Variants in VPS39 observed in about 807,000 individuals in gnomAD.
The protein encoded by VPS39 is vam6/Vps39-like protein.
In VPS39, 70 loss-of-function variants were observed where a neutral mutation model predicts 121.0. That is an observed-to-expected ratio of 0.58 (90% confidence interval 0.48 to 0.71). VPS39 has a LOEUF of 0.71. Ranked by LOEUF, VPS39 falls within the 30% of genes least tolerant of loss-of-function variation. VPS39 has a pLI of 0.00. For synonymous variants in VPS39, 378 were observed against 398.1 expected (o/e 0.95, Z 0.60); for missense variants, 818 against 1,051.5 (o/e 0.78, Z 3.07).
chr15:42,178,724 AAAG>A, intron 8 of VPS39, 154 bp from the exon 9 acceptor site: 2 of 1,139,566 alleles, frequency 1.8e-6, no homozygotes, highest in Non-Finnish European at 2.4e-6. Context: ...ATTCAGAAAG[AAAG>A]AAAAAAAAAA....
chr15:42,162,740 C>T (rs1267905308), intron 21 of VPS39: 2 of 352,210 alleles, frequency 5.7e-6, no homozygotes, highest in Non-Finnish European at 5.1e-6. Flanking sequence ...AAAATGCTAC[C>T]ACTGTAAAAC....
At chr15:42,188,591 G>C (rs759878784) in intron 5 of VPS39, among the ~76,000 whole-genome samples, 26 of 152,296 alleles carry the variant, frequency 1.7e-4, no homozygotes, top group Admixed American at 1.6e-3. Flanking sequence ...AATAGTATTA[G>C]ATTCTCATTA....
intron 7 of VPS39, among the ~76,000 whole-genome samples, 195 bp from the exon 8 acceptor site, chr15:42,184,895 T>C (rs1417390893): frequency 2.0e-5 from 3 of 152,258 alleles, no homozygotes; most frequent in Non-Finnish European, 4.4e-5. Context: ...AAGGAAAGCA[T>C]CTAGCCTGGC....
At chr15:42,172,052 T>C (rs548569312) in intron 11 of VPS39, among the ~76,000 whole-genome samples, 3 of 152,282 alleles carry the variant, frequency 2.0e-5, no homozygotes, top group Admixed American at 6.5e-5. Flanking sequence ...CACACCAACA[T>C]ATATCATACA....
At chr15:42,186,465 G>A (rs2049704678) in intron 7 of VPS39, among the ~76,000 whole-genome samples, 1 of 151,914 alleles carries the variant, frequency 6.6e-6, no homozygotes, top group Non-Finnish European at 1.5e-5. Flanking sequence ...AACCAATGAA[G>A]AGCTCACCCA....
At chr15:42,180,489 T>A (rs1002738593) in intron 8 of VPS39, among the ~76,000 whole-genome samples, 2 of 152,188 alleles carry the variant, frequency 1.3e-5, no homozygotes, top group Non-Finnish European at 2.9e-5. Context: ...CACACAGTGC[T>A]AAAGAAGTCA....
chr15:42,191,010 T>G, intron 4 of VPS39, 115 bp downstream of exon 4: 1 of 1,205,280 alleles, frequency 8.3e-7, no homozygotes, highest in Non-Finnish European at 1.2e-6. Flanking sequence ...TATACCAGGT[T>G]TGGAACACGT....
chr15:42,175,211 C>T (rs1219598834), intron 10 of VPS39, among the ~76,000 whole-genome samples: 2 of 151,984 alleles, frequency 1.3e-5, no homozygotes, highest in Admixed American at 1.3e-4. Flanking sequence ...CAGGAAAGAC[C>T]ATCCTGGCCA....
rs1369430318 is a variant in VPS39 at position 42,191,298 on chromosome 15, G to C, written c.205-131C>G. The C allele has an allele frequency of 4.0e-5, 48 of 1,212,886 alleles. No homozygotes were observed. In the East Asian group the frequency reaches 1.1e-3, roughly 28 times the overall value. The allele number at this position is 1,212,886 out of a possible 1,614,324, so 75.1% of individuals were successfully genotyped here. A position where few individuals can be genotyped will look rare whatever the true frequency, so the allele number is the denominator to read the frequency against. On this transcript the variant is annotated intron_variant, in intron 3 of 24. Transcript: ENST00000318006. ...ACAGGGATCTCACTGATTTTTCTGG[G>C]CACTATAATTTCTGTGATTATCATT...
In VPS39 at chr15:42,160,293, AGCCATCGG is replaced by A. The variant is rs2049104068; in HGVS notation, c.*453_*460del. 2 of 166,720 alleles carry A rather than the reference AGCCATCGG, an allele frequency of 1.2e-5. No individual in the cohort carries two copies. Among genetic ancestry groups the A allele is most frequent in the Admixed American group, 1.2e-4 (2 of 17,372 alleles). The allele number at this position is 166,720 out of a possible 1,614,324, so 10.3% of individuals were successfully genotyped here. ...GACGTAAAACACTACACAGAATGCG[AGCCATCGG>A]GTCCATGCGGCCAGAAGCTTGAGTG... On this transcript the variant is annotated 3_prime_UTR_variant, in exon 25 of 25. Transcript: ENST00000318006.
At position 42,161,785 on chromosome 15, in the gene VPS39, G is replaced by C. The variant is rs1354828732; in HGVS notation, c.2461-12C>G. The C allele has an allele frequency of 6.2e-7, 1 of 1,613,766 alleles. No individual in the cohort carries two copies. The highest frequency in any genetic ancestry group is 8.5e-7 in the Non-Finnish European group (1 of 1,179,800). On this transcript the variant is annotated splice_polypyrimidine_tract_variant and intron_variant, in intron 23 of 24. Transcript: ENST00000318006. ...CGCTCTTCCTGGACCTGGAAGAACA[G>C]GGGGATTGAGGAAGAAGTTCTACAG...
intron 11 of VPS39, among the ~76,000 whole-genome samples, chr15:42,172,183 T>G (rs1307134626): frequency 6.6e-6 from 1 of 151,880 alleles, no homozygotes; most frequent in Non-Finnish European, 1.5e-5. Context: ...ATAGGAAGAG[T>G]GAGAGTCACA....
Position 42,162,570 on chromosome 15 carries a change from C to T in VPS39, c.2176-89G>A, listed in dbSNP as rs184332591. 2,513 of 1,420,776 alleles carry T rather than the reference C, an allele frequency of 1.8e-3. 7 individuals carry two copies. Among genetic ancestry groups the T allele is most frequent in the Non-Finnish European group, 2.1e-3 (2,239 of 1,072,440 alleles). The allele number at this position is 1,420,776 out of a possible 1,614,324, so 88.0% of individuals were successfully genotyped here. A position where few individuals can be genotyped will look rare whatever the true frequency, so the allele number is the denominator to read the frequency against. On this transcript the variant is annotated intron_variant, in intron 21 of 24. Transcript: ENST00000318006. ...AGCATGCCTAACGATTCGAGGGGCT[C>T]GCCTACAGTAACAGCTATCACTGAG...
At chr15:42,180,907 G>A (rs949576756) in intron 8 of VPS39, among the ~76,000 whole-genome samples, 1 of 152,096 alleles carries the variant, frequency 6.6e-6, no homozygotes. Flanking sequence ...GAACCCTTGC[G>A]CACTGTTGGT....
chr15:42,194,068 A>G (rs2049884631), intron 2 of VPS39, among the ~76,000 whole-genome samples: 1 of 152,240 alleles, frequency 6.6e-6, no homozygotes, highest in South Asian at 2.1e-4. Context: ...ATATGAGATT[A>G]CTAAAAAGAT....
intron 11 of VPS39, among the ~76,000 whole-genome samples, chr15:42,172,929 G>A (rs2049375525): frequency 6.6e-6 from 1 of 152,128 alleles, no homozygotes; most frequent in Admixed American, 6.5e-5. Flanking sequence ...GTTCATTACT[G>A]GCCAAGGTTG....
chr15:42,164,399 T>C lies in VPS39; in HGVS notation c.1985A>G (p.Tyr662Cys). ...ACAGATGAGCCGGCCTGGATCATAG[T>C]AGCTGGAAATCTCCAAGAACATGAG... Reference protein sequence around the residue: ...KLLMFLEISSYYDPGRLICDF... With the variant: ...KLLMFLEISSCYDPGRLICDF... Residue 662 changes from tyrosine to cysteine, a missense_variant, in exon 19 of 25, where the codon TAC becomes TGC. Transcript: ENST00000318006. The C allele has an allele frequency of 6.2e-7, 1 of 1,614,174 alleles. No individual in the cohort carries two copies. The highest frequency in any genetic ancestry group is 8.5e-7 in the Non-Finnish European group (1 of 1,180,004).
intron 11 of VPS39, among the ~76,000 whole-genome samples, chr15:42,172,266 C>T (rs77919124): frequency 0.017 from 2,536 of 152,300 alleles, 76 homozygotes; most frequent in African/African-American, 0.059. Flanking sequence ...TGCATGAGGA[C>T]ACTCAAGCAG....
chr15:42,190,358 T>C (rs1259643361), intron 4 of VPS39, among the ~76,000 whole-genome samples: 1 of 152,212 alleles, frequency 6.6e-6, no homozygotes, highest in African/African-American at 2.4e-5. Flanking sequence ...GATGTTTATC[T>C]GTGGACCCAG....
Sources: allele counts gnomAD v4.1 joint callset (sites outside exome capture counted in the v4.1 genomes callset), GRCh38; gene constraint gnomAD v4.1.1; transcripts MANE v1.5; gene names NCBI Gene and HGNC (gene_info 2026-07-23, HGNC 2026-07-21).